L2HGDH: variants seen among roughly 807,000 people sequenced by gnomAD.
The protein encoded by L2HGDH is L-2-hydroxyglutarate dehydrogenase, also known as L-2-hydroxyglutarate dehydrogenase, mitochondrial.
In L2HGDH, 34 loss-of-function variants were observed where a neutral mutation model predicts 51.5. The observed-to-expected ratio is 0.66, with a 90% CI of 0.50 to 0.88. L2HGDH has a LOEUF of 0.88. Among genes scored for constraint, L2HGDH ranks in the 40% least tolerant of loss-of-function variants. L2HGDH has a pLI of 0.00. For missense variants in L2HGDH, 558 were observed against 571.9 expected, an observed-to-expected ratio of 0.98 and a Z score of 0.25; for synonymous variants, 198 against 197.9, an observed-to-expected ratio of 1.00 and a Z score of -0.01.
intron 9 of L2HGDH, among the ~76,000 whole-genome samples, chr14:50,262,501 A>G (rs1889091910): frequency 1.3e-5 from 2 of 151,568 alleles, no homozygotes; most frequent in African/African-American, 4.8e-5. Flanking sequence ...AGGAAGAGAG[A>G]CTAACACAAT....
chr14:50,293,305 C>A (rs1226984293), intron 4 of L2HGDH: 1 of 702,036 alleles, frequency 1.4e-6, no homozygotes, highest in Admixed American at 2.0e-5. Context: ...AAAAATACAC[C>A]TTGACCCCTA....
chr14:50,285,340 T>C (rs1055168009), intron 4 of L2HGDH, among the ~76,000 whole-genome samples: 2 of 152,144 alleles, frequency 1.3e-5, no homozygotes, highest in African/African-American at 4.8e-5. Flanking sequence ...ACATCAACAG[T>C]CTCTTTTTTA....
At chr14:50,266,143 C>CAAA (rs34597714) in intron 8 of L2HGDH, among the ~76,000 whole-genome samples, 7 of 136,952 alleles carry the variant, frequency 5.1e-5, no homozygotes, top group African/African-American at 1.4e-4. Flanking sequence ...AACTTTGACT[C>CAAA]AAAAAAAAAA....
chr14:50,255,882 G>A (rs1003415412), intron 9 of L2HGDH, among the ~76,000 whole-genome samples: 4 of 151,832 alleles, frequency 2.6e-5, no homozygotes, highest in African/African-American at 9.7e-5. Context: ...CATAAAATTA[G>A]CCAGCCATCA....
At chr14:50,304,636 C>T (rs2030620456) in intron 1 of L2HGDH, among the ~76,000 whole-genome samples, 1 of 152,164 alleles carries the variant, frequency 6.6e-6, no homozygotes, top group African/African-American at 2.4e-5. Flanking sequence ...GAGGTTGAGA[C>T]CATCCTGACT....
intron 4 of L2HGDH, chr14:50,293,120 A>T: frequency 1.5e-6 from 1 of 654,530 alleles, no homozygotes; most frequent in Non-Finnish European, 2.8e-6. Flanking sequence ...TTAAAAAAAA[A>T]TGGCTATTAT....
At position 50,283,951 on chromosome 14, in the gene L2HGDH, T is replaced by C. The variant is rs375493375; in HGVS notation, c.623A>G (p.Glu208Gly). 7.4e-6 allele frequency: 12 copies of C among 1,614,012 alleles called. No individual in the cohort carries two copies. The highest frequency in any genetic ancestry group is 1.3e-5 in the African/African-American group (1 of 74,918). ...ATTGGTCAAGACAGAGCCACCTGCTTCTTGGAAATCCTGGGCAAATGACAA... is the reference window on the plus strand; with the variant it reads ...ATTGGTCAAGACAGAGCCACCTGCTCCTTGGAAATCCTGGGCAAATGACAA... ...VALSFAQDFQ[E>G]AGGSVLTNFE... Residue 208 changes from glutamate (E) to glycine (G), a missense_variant, in exon 5 of 10, where the codon GAA becomes GGA. This residue lies in a region of L2HGDH where 321 missense variants were observed against 311.8 expected (regional missense o/e 1.03). Transcript: ENST00000267436.
rs187240438 is a variant in L2HGDH at position 50,289,109 on chromosome 14, A to G, written c.540+5006T>C. Among the ~76,000 whole-genome samples the G allele has an allele frequency of 3.0e-3, 451 of 152,338 alleles. 3 individuals are homozygous for G. The highest frequency in any genetic ancestry group is 0.01 in the African/African-American group (428 of 41,574). On this transcript the variant is annotated intron_variant, in intron 4 of 9. Coordinates refer to ENST00000267436, the MANE Select transcript of L2HGDH (RefSeq NM_024884.3). The stretch of plus-strand genomic sequence containing the variant: ...CCATATATTCTCTGCTCCCACATAT[A>G]TAACAGCCTCCTAATTTCTTAATTT...
In L2HGDH at chr14:50,247,173, C is replaced by T; in HGVS notation, c.1277G>A (p.Gly426Glu). Residue 426 changes from glycine to glutamate, a missense_variant, in exon 10 of 10, where the codon GGG becomes GAG. Gly to Glu is a moderately conservative substitution (Grantham distance 98). This residue lies in a region of L2HGDH where 321 missense variants were observed against 311.8 expected (regional missense o/e 1.03). Coordinates refer to ENST00000267436, the MANE Select transcript of L2HGDH (RefSeq NM_024884.3). ...ATGAAGAATGCGATTTCCAATATCC[C>T]CAACTCCTGCATCAAATACAAAATC... ...VEDFVFDAGV[G>E]DIGNRILHVR... 1 of 1,614,140 alleles carries T rather than the reference C, an allele frequency of 6.2e-7. No homozygotes were observed. Among genetic ancestry groups the T allele is most frequent in the Non-Finnish European group, 8.5e-7 (1 of 1,180,034 alleles).
intron 1 of L2HGDH, chr14:50,311,266 C>T: frequency 2.2e-6 from 1 of 447,956 alleles, no homozygotes; most frequent in Non-Finnish European, 4.5e-6. Context: ...TAAAAGTCAA[C>T]GTGTGGTTAA....
At chr14:50,275,664 A>G (rs1186024330) in intron 6 of L2HGDH, among the ~76,000 whole-genome samples, 1 of 152,218 alleles carries the variant, frequency 6.6e-6, no homozygotes, top group Non-Finnish European at 1.5e-5. Context: ...TTTAGAAGTA[A>G]TAGCACTAGC....
At chr14:50,295,531 C>A (rs1235306858) in intron 3 of L2HGDH, among the ~76,000 whole-genome samples, 1 of 151,344 alleles carries the variant, frequency 6.6e-6, no homozygotes, top group Non-Finnish European at 1.5e-5. Context: ...CTCGGCCTCC[C>A]TAGAAGCTGG....
chr14:50,279,577 T>C (rs978263130), intron 5 of L2HGDH, among the ~76,000 whole-genome samples: 2 of 152,040 alleles, frequency 1.3e-5, no homozygotes, highest in Non-Finnish European at 1.5e-5. Flanking sequence ...CAGTGGCTCA[T>C]GCCTGTAATC....
At chr14:50,297,985 G>T (rs1197771889) in intron 3 of L2HGDH, among the ~76,000 whole-genome samples, 1 of 151,986 alleles carries the variant, frequency 6.6e-6, no homozygotes, top group African/African-American at 2.4e-5. Context: ...GGGCATGGTG[G>T]CTCATGCCTG....
chr14:50,253,801 A>G (rs940427192), intron 9 of L2HGDH, among the ~76,000 whole-genome samples: 1 of 152,180 alleles, frequency 6.6e-6, no homozygotes, highest in African/African-American at 2.4e-5. Context: ...TCAACAGATG[A>G]ATGAATAAAT....
At chr14:50,302,206 G>C in intron 2 of L2HGDH, 38 bp from the exon 3 acceptor site, 2 of 1,604,886 alleles carry the variant, frequency 1.2e-6, no homozygotes, top group Non-Finnish European at 1.7e-6. Flanking sequence ...GTAAGTACAT[G>C]ATTCATACAA....
rs765587439 is a variant in L2HGDH, at chr14:50,284,001, G to A, written c.573C>T (p.Gly191=). ...GLMAIDCPHT[G]IVDYRQVALS... is the part of the protein sequence containing the mutation. ...AAGCCACCTGCCGATAGTCCACAAT[G>A]CCAGTATGTGGACAATCAATAGCCA... The change falls in exon 5 of 10, where the codon GGC becomes GGT. Residue 191 remains glycine, a synonymous_variant. Coordinates refer to ENST00000267436, the MANE Select transcript of L2HGDH (RefSeq NM_024884.3). The A allele has an allele frequency of 1.9e-6, 3 of 1,613,886 alleles. No homozygotes were observed. In the African/African-American group the frequency reaches 4.0e-5, roughly 22 times the overall value.
At chr14:50,286,886 T>C (rs1377364130) in intron 4 of L2HGDH, among the ~76,000 whole-genome samples, 1 of 152,216 alleles carries the variant, frequency 6.6e-6, no homozygotes, top group Non-Finnish European at 1.5e-5. Context: ...AGAATACTTA[T>C]CACTATATCT....
intron 9 of L2HGDH, among the ~76,000 whole-genome samples, chr14:50,259,985 C>CAGAGAGAGAG (rs34001223): frequency 1.4e-5 from 2 of 142,370 alleles, no homozygotes; most frequent in Admixed American, 7.2e-5. Context: ...GAGAAGAAGA[C>CAGAGAGAGAG]AGAGAGAGAG....
Sources: allele counts gnomAD v4.1 joint callset (sites outside exome capture counted in the v4.1 genomes callset), GRCh38; gene constraint gnomAD v4.1.1; regional missense constraint gnomAD v4.1.1; transcripts MANE v1.5; gene names NCBI Gene and HGNC (gene_info 2026-07-23, HGNC 2026-07-21).